TUSC3: variants seen among roughly 807,000 people sequenced by gnomAD.
TUSC3 encodes the protein tumor suppressor candidate 3.
TUSC3 carries 45 observed loss-of-function variants against 44.8 expected under a neutral mutation model. The observed-to-expected ratio is 1.00, with a 90% confidence interval of 0.79 to 1.29. The LOEUF (loss-of-function observed/expected upper bound fraction) is 1.29, where lower values mean the gene tolerates loss of function less well. TUSC3 is among the 50% of genes most tolerant of loss of function. The pLI is 0.00. For missense variants in TUSC3, 519 were observed against 437.9 expected (o/e 1.19, Z -1.65); for synonymous variants, 212 against 152.9 (o/e 1.39, Z -2.85).
chr8:15,630,790 C>T (rs913886998), intron 2 of TUSC3, among the ~76,000 whole-genome samples: 14 of 152,112 alleles, frequency 9.2e-5, no homozygotes, highest in African/African-American at 3.4e-4. Flanking sequence ...GAATGTGTCT[C>T]ATAATGGGGA....
In TUSC3 at chr8:15,473,616, G is replaced by A. The variant is rs147614194; in HGVS notation, n.92-9770G>A. On this transcript the variant is annotated intron_variant and non_coding_transcript_variant, in intron 1 of 5. Coordinates refer to the TUSC3 transcript ENST00000503191. ...AGAGGAATTTTACAGCTGGGACTCC[G>A]GGGGTGACATCATATATCGGCAGGA... Among the ~76,000 whole-genome samples the A allele has an allele frequency of 2.5e-3, 383 of 152,260 alleles. 4 individuals are homozygous for A. The highest frequency in any genetic ancestry group is 8.3e-3 in the African/African-American group (346 of 41,560).
chr8:15,444,505 T>C (rs1333739797), intron 1 of TUSC3, among the ~76,000 whole-genome samples: 2 of 152,090 alleles, frequency 1.3e-5, no homozygotes, highest in Admixed American at 6.5e-5. Context: ...ACCAGGGTAA[T>C]GAGACATTAC....
At chr8:15,639,287 C>T (rs575082246) in intron 2 of TUSC3, among the ~76,000 whole-genome samples, 1 of 151,892 alleles carries the variant, frequency 6.6e-6, no homozygotes, top group Non-Finnish European at 1.5e-5. Flanking sequence ...ATGTTCAGAG[C>T]TTCAGTGATG....
chr8:15,740,733 G>A (rs1021475244), intron 7 of TUSC3, among the ~76,000 whole-genome samples: 1 of 152,098 alleles, frequency 6.6e-6, no homozygotes, highest in Non-Finnish European at 1.5e-5. Context: ...TGTACGTAGC[G>A]AATTTGAAAA....
In TUSC3 at chr8:15,764,444, G is replaced by C. The variant is rs781373100; in HGVS notation, c.*288G>C. 2.1e-6 allele frequency: 1 copy of C among 481,998 alleles called. No homozygotes were observed. The highest frequency in any genetic ancestry group is 3.9e-6 in the Non-Finnish European group (1 of 258,488). 29.9% of individuals were successfully genotyped at this position (481,998 alleles called of 1,614,324 possible). ...GTGTTTTTCAAGCCTGTTATATTCA[G>C]TGTGTGCCACAGGATTGAAATAAAT... On this transcript the variant is annotated 3_prime_UTR_variant, in exon 11 of 11. Coordinates refer to ENST00000503731, the MANE Select transcript of TUSC3 (RefSeq NM_006765.4).
rs1424155025 is a variant in TUSC3 at position 15,573,173 on chromosome 8, T to TTTCC, written c.138+32605_138+32606insTTCC. ...CAGTATAGTGTTCTCTCTCTTTCTCTCTCTCTCTCTCTCTCTCTCTCTCTC... is the reference window on the plus strand; with the variant it reads ...CAGTATAGTGTTCTCTCTCTTTCTCTTTCCCTCTCTCTCTCTCTCTCTCTCTCTC... On this transcript the variant is annotated intron_variant, in intron 1 of 10. Coordinates refer to ENST00000503731, the MANE Select transcript of TUSC3 (RefSeq NM_006765.4). 5.3e-3 allele frequency among the ~76,000 whole-genome samples: 369 copies of TTTCC among 69,190 alleles called. 8 individuals carry two copies. Among genetic ancestry groups the TTTCC allele is most frequent in the African/African-American group, 0.019 (342 of 17,980 alleles). 45.4% of individuals were successfully genotyped at this position (69,190 alleles called of 152,430 possible). A position where few individuals can be genotyped will look rare whatever the true frequency, so the allele number is the denominator to read the frequency against.
chr8:15,559,740 C>T (rs1245704847), intron 1 of TUSC3, among the ~76,000 whole-genome samples: 3 of 120,028 alleles, frequency 2.5e-5, no homozygotes, highest in Non-Finnish European at 3.6e-5. Context: ...TTGAATTGAT[C>T]CCTTTACCAT....
intron 3 of TUSC3, among the ~76,000 whole-genome samples, chr8:15,655,283 G>A (rs911799942): frequency 6.6e-6 from 1 of 152,130 alleles, no homozygotes; most frequent in Admixed American, 6.5e-5. Flanking sequence ...TCAAGCATGC[G>A]CACCAAGAGA....
chr8:15,584,171 A>T (rs1363313328), intron 1 of TUSC3, among the ~76,000 whole-genome samples: 1 of 152,234 alleles, frequency 6.6e-6, no homozygotes, highest in African/African-American at 2.4e-5. Flanking sequence ...TGTCAACGTC[A>T]TAAAAGTATT....
chr8:15,431,431 A>C (rs1185862539), intron 1 of TUSC3, among the ~76,000 whole-genome samples: 2 of 151,464 alleles, frequency 1.3e-5, no homozygotes, highest in Non-Finnish European at 2.9e-5. Context: ...TATTCTTTCG[A>C]ATGCTCTTTA....
chr8:15,440,241 G>A (rs558287493), intron 1 of TUSC3, among the ~76,000 whole-genome samples: 1 of 152,208 alleles, frequency 6.6e-6, no homozygotes, highest in African/African-American at 2.4e-5. Flanking sequence ...AGAACTTTAC[G>A]GGCAGTGGAA....
chr8:15,761,118 T>C (rs17121926), intron 10 of TUSC3, among the ~76,000 whole-genome samples: 3,337 of 152,294 alleles, frequency 0.022, 101 homozygotes, highest in African/African-American at 0.074. Flanking sequence ...TTGGGGGCCC[T>C]GAGATTAAGA....
In TUSC3 at chr8:15,673,602, A is replaced by G. The variant is rs146816541; in HGVS notation, c.709-145A>G. ...GAATAAGTAACTTACTCAAAGTCCC[A>G]TAGTTAATAAGTGAAATTTTTTAAA... On this transcript the variant is annotated intron_variant, in intron 5 of 10. Transcript: ENST00000503731. 8.2e-5 allele frequency: 57 copies of G among 696,786 alleles called. No individual in the cohort carries two copies. The African/African-American group carries it at 8.5e-4, about 10-fold the overall frequency. The allele number at this position is 696,786 out of a possible 1,614,324, so 43.2% of individuals were successfully genotyped here.
At chr8:15,668,956 T>C (rs1807806132) in intron 5 of TUSC3, among the ~76,000 whole-genome samples, 1 of 151,680 alleles carries the variant, frequency 6.6e-6, no homozygotes. Flanking sequence ...GTTTCCCAAG[T>C]GGAAAGCTTC....
At chr8:15,428,531 T>C (rs1799833792) in intron 1 of TUSC3, among the ~76,000 whole-genome samples, 1 of 152,162 alleles carries the variant, frequency 6.6e-6, no homozygotes, top group African/African-American at 2.4e-5. Flanking sequence ...TCTAGATCCC[T>C]GAGGAATCGC....
At chr8:15,762,232 A>C (rs1812193155) in intron 10 of TUSC3, among the ~76,000 whole-genome samples, 1 of 151,990 alleles carries the variant, frequency 6.6e-6, no homozygotes, top group Non-Finnish European at 1.5e-5. Flanking sequence ...TTAAAATGAA[A>C]ATGATAGTTT....
At chr8:15,812,980 G>C in the TUSC3 span, among the ~76,000 whole-genome samples, 1 of 152,074 alleles carries the variant, frequency 6.6e-6, no homozygotes, top group Non-Finnish European at 1.5e-5. Context: ...TGTAGTCCCA[G>C]CTACTCAGGA....
intron 1 of TUSC3, among the ~76,000 whole-genome samples, chr8:15,555,540 C>T (rs1202602157): frequency 1.3e-5 from 2 of 151,324 alleles, no homozygotes; most frequent in Admixed American, 6.6e-5. Flanking sequence ...AGTGATCCCC[C>T]TGCCTTGGCC....
At chr8:15,535,244 T>A (rs1368813395), upstream of TUSC3, among the ~76,000 whole-genome samples, 1 of 152,218 alleles carries the variant, frequency 6.6e-6, no homozygotes, top group Non-Finnish European at 1.5e-5. Flanking sequence ...CTTTGTGCAC[T>A]CCAGTTTGAA....
Sources: allele counts gnomAD v4.1 joint callset (sites outside exome capture counted in the v4.1 genomes callset), GRCh38; gene constraint gnomAD v4.1.1; transcripts MANE v1.5; gene names NCBI Gene and HGNC (gene_info 2026-07-23, HGNC 2026-07-21).